IL7: variants seen among roughly 807,000 people sequenced by gnomAD.
IL7 encodes interleukin-7.
IL7 carries 3 observed loss-of-function variants against 21.6 expected under a neutral mutation model. That is an observed-to-expected ratio of 0.14 (90% CI 0.06 to 0.36). IL7 has a LOEUF of 0.36. Ranked by LOEUF, IL7 falls within the 10% of genes least tolerant of loss-of-function variation. IL7 has a pLI of 1.00. For synonymous variants in IL7, 62 were observed against 68.1 expected, an observed-to-expected ratio of 0.91 and a Z score of 0.44; for missense variants, 175 against 200.2, an observed-to-expected ratio of 0.87 and a Z score of 0.76.
chr8:78,716,719 G>A (rs1236147604), downstream of IL7, among the ~76,000 whole-genome samples: 1 of 152,074 alleles, frequency 6.6e-6, no homozygotes, highest in East Asian at 1.9e-4. Context: ...AAGCGATGTG[G>A]TTTGGATTTG....
intron 2 of IL7, among the ~76,000 whole-genome samples, chr8:78,790,019 G>C (rs1486712279): frequency 1.3e-5 from 2 of 152,260 alleles, no homozygotes; most frequent in Non-Finnish European, 2.9e-5. Context: ...GTAGACCTCA[G>C]GCTATATGAG....
At chr8:78,698,074 T>A (rs567619719) in intron 3 of IL7, among the ~76,000 whole-genome samples, 1 of 152,222 alleles carries the variant, frequency 6.6e-6, no homozygotes, top group South Asian at 2.1e-4. Flanking sequence ...CTTCCTTGAT[T>A]CTTTGATCCA....
rs569323962 is a variant in IL7, at chr8:78,771,839, A to G, written c.147+26233T>C. Among the ~76,000 whole-genome samples, 6 of 152,228 alleles carry G rather than the reference A, an allele frequency of 3.9e-5. No homozygotes were observed. In the South Asian group the frequency reaches 1.2e-3, roughly 32 times the overall value. The stretch of plus-strand genomic sequence containing the variant: ...CCCTTTCTGTTGCAGCCACTGCTAC[A>G]AATGAAAGGCTTGCTCCTGCTGTAC... On this transcript the variant is annotated intron_variant, in intron 2 of 5. Coordinates refer to ENST00000263851, the MANE Select transcript of IL7 (RefSeq NM_000880.4).
intron 2 of IL7, among the ~76,000 whole-genome samples, chr8:78,774,094 CAT>C (rs1172449357): frequency 6.6e-6 from 1 of 151,738 alleles, no homozygotes; most frequent in Non-Finnish European, 1.5e-5. Context: ...GAAAAAAAAA[CAT>C]ATATTTGTGA....
intron 2 of IL7, among the ~76,000 whole-genome samples, chr8:78,742,175 T>G (rs1342624242): frequency 6.9e-6 from 1 of 144,268 alleles, no homozygotes; most frequent in Non-Finnish European, 1.5e-5. Flanking sequence ...AAAAAAAAAA[T>G]TAGCCGGGTG....
downstream of IL7, among the ~76,000 whole-genome samples, chr8:78,716,348 C>G (rs1021447189): frequency 6.6e-6 from 1 of 151,880 alleles, no homozygotes; most frequent in Non-Finnish European, 1.5e-5. Flanking sequence ...TGGTCTTGAT[C>G]TCCTGACCTC....
chr8:78,773,109 A>G (rs1441953073), intron 2 of IL7, among the ~76,000 whole-genome samples: 1 of 152,210 alleles, frequency 6.6e-6, no homozygotes, highest in Admixed American at 6.5e-5. Context: ...ATTCTAGTTC[A>G]GGTGGCTGGA....
At chr8:78,724,551 T>C (rs1811307791) in intron 3 of IL7, among the ~76,000 whole-genome samples, 1 of 152,010 alleles carries the variant, frequency 6.6e-6, no homozygotes, top group Non-Finnish European at 1.5e-5. Flanking sequence ...TCATAAACTC[T>C]TCAAGAAACA....
At chr8:78,735,979 T>C (rs1811579092) in intron 5 of IL7, among the ~76,000 whole-genome samples, 1 of 151,354 alleles carries the variant, frequency 6.6e-6, no homozygotes, top group African/African-American at 2.4e-5. Flanking sequence ...ATAATTTATC[T>C]AATAATGTCT....
intron 4 of IL7, chr8:78,678,466 T>C (rs1475723259): frequency 4.8e-6 from 4 of 838,232 alleles, no homozygotes; most frequent in African/African-American, 3.5e-5. Context: ...TTTCATTTGG[T>C]CTCAGATTTT....
chr8:78,741,652 T>G (rs1330113040), intron 2 of IL7, among the ~76,000 whole-genome samples: 1 of 152,196 alleles, frequency 6.6e-6, no homozygotes, highest in Non-Finnish European at 1.5e-5. Flanking sequence ...TTTTGGCAGA[T>G]CCACAGAAAG....
At chr8:78,696,426 G>T (rs547316117) in intron 3 of IL7, among the ~76,000 whole-genome samples, 1 of 152,290 alleles carries the variant, frequency 6.6e-6, no homozygotes, top group Admixed American at 6.5e-5. Flanking sequence ...TATGGTTGAA[G>T]CATTGGGCTA....
chr8:78,804,861 G>GC, intron 1 of IL7, 52 bp downstream of exon 1: 2 of 1,609,620 alleles, frequency 1.2e-6, no homozygotes, highest in Non-Finnish European at 1.7e-6. Context: ...GTCTGGGATT[G>GC]CCCCGGCGCG....
downstream of IL7, among the ~76,000 whole-genome samples, chr8:78,716,984 C>G (rs1207491101): frequency 2.0e-5 from 3 of 152,074 alleles, no homozygotes; most frequent in Non-Finnish European, 2.9e-5. Context: ...CCCAACCAAG[C>G]TTTCTGTACA....
chr8:78,739,577 A>G (rs1381532159), intron 3 of IL7, among the ~76,000 whole-genome samples: 1 of 151,934 alleles, frequency 6.6e-6, no homozygotes, highest in Non-Finnish European at 1.5e-5. Flanking sequence ...CTGTAGACCC[A>G]GTTACTCGGG....
At chr8:78,762,580 G>T (rs1307461497) in intron 2 of IL7, 11 of 376,600 alleles carry the variant, frequency 2.9e-5, no homozygotes, top group Non-Finnish European at 4.7e-5. Context: ...GCTAGAAGCC[G>T]CCGGGTTCTT....
intron 2 of IL7, among the ~76,000 whole-genome samples, chr8:78,752,733 A>C (rs909529849): frequency 1.3e-5 from 2 of 151,928 alleles, no homozygotes; most frequent in African/African-American, 4.8e-5. Flanking sequence ...TCTTAATGCT[A>C]TCTCTCCCCT....
Position 78,687,933 on chromosome 8 carries a change from A to G in IL7, n.215-1986T>C, listed in dbSNP as rs1021829812. 3.1e-4 allele frequency among the ~76,000 whole-genome samples: 44 copies of G among 142,854 alleles called. 1 individual carries two copies. Among genetic ancestry groups the G allele is most frequent in the Non-Finnish European group, 4.5e-4 (30 of 65,980 alleles). 93.7% of individuals were successfully genotyped at this position (142,854 alleles called of 152,430 possible). On this transcript the variant is annotated intron_variant and non_coding_transcript_variant, in intron 3 of 4. Coordinates refer to the IL7 transcript ENST00000523959. ...TATAAATATATAATTATTTATATCT[A>G]TATTTTTATATATAAACTATATCTA...
chr8:78,730,980 C>T (rs1811414486), downstream of IL7, among the ~76,000 whole-genome samples: 1 of 151,902 alleles, frequency 6.6e-6, no homozygotes, highest in South Asian at 2.1e-4. Flanking sequence ...GAATTTGCAA[C>T]AACATTCTAA....
Sources: allele counts gnomAD v4.1 joint callset (sites outside exome capture counted in the v4.1 genomes callset), GRCh38; gene constraint gnomAD v4.1.1; transcripts MANE v1.5; gene names NCBI Gene and HGNC (gene_info 2026-07-23, HGNC 2026-07-21).